PPP2R5C: variants seen among roughly 807,000 people sequenced by gnomAD.
PPP2R5C encodes protein phosphatase 2 regulatory subunit B'gamma.
Under a neutral mutation model 68.9 loss-of-function variants are expected in PPP2R5C, and 7 were observed. The observed-to-expected ratio is 0.10, with a 90% CI of 0.06 to 0.19. PPP2R5C has a LOEUF of 0.19. PPP2R5C is among the 10% of genes least tolerant of loss of function. The pLI is 1.00. For synonymous variants in PPP2R5C, 210 were observed against 222.2 expected (o/e 0.95, Z 0.49); for missense variants, 348 against 641.3 (o/e 0.54, Z 4.94).
In PPP2R5C at chr14:101,825,365, G is replaced by A. The variant is rs1252629419; in HGVS notation, c.94+15329G>A. On this transcript the variant is annotated intron_variant, in intron 1 of 13. Transcript: ENST00000334743. The surrounding 1 kb of genome is among the most constrained non-coding windows in gnomAD (Gnocchi z 4.0). Reference sequence around the variant, plus strand: ...ATCTTTCTGTGTCTTAGAAGTTACTGCTATGATTTTAGCCACTTAACTGGC... The same window carrying A: ...ATCTTTCTGTGTCTTAGAAGTTACTACTATGATTTTAGCCACTTAACTGGC... Among the ~76,000 whole-genome samples, 1 of 152,146 alleles carries A rather than the reference G, an allele frequency of 6.6e-6. No homozygotes were observed. Among genetic ancestry groups the A allele is most frequent in the Non-Finnish European group, 1.5e-5 (1 of 68,020 alleles).
intron 2 of PPP2R5C, among the ~76,000 whole-genome samples, chr14:101,773,383 C>T (rs2037253889): frequency 6.6e-6 from 1 of 152,042 alleles, no homozygotes; most frequent in Non-Finnish European, 1.5e-5. Context: ...GAGGCTGCTT[C>T]AGGTGGTCAA....
At chr14:101,869,135 C>A (rs961133342) in intron 2 of PPP2R5C, among the ~76,000 whole-genome samples, 10 of 152,232 alleles carry the variant, frequency 6.6e-5, no homozygotes, top group African/African-American at 2.4e-4. Context: ...CCTCACTAGT[C>A]TGTTCTCTAT....
rs1049868136 is a variant in PPP2R5C at position 101,924,511 on chromosome 14, C to T, written c.1444-630C>T. 4.9e-5 allele frequency among the ~76,000 whole-genome samples: 7 copies of T among 142,646 alleles called. No individual in the cohort carries two copies. The East Asian group carries it at 8.1e-4, about 17-fold the overall frequency. 93.6% of individuals were successfully genotyped at this position (142,646 alleles called of 152,430 possible). A position where few individuals can be genotyped will look rare whatever the true frequency, so the allele number is the denominator to read the frequency against. On this transcript the variant is annotated intron_variant, in intron 13 of 13. Transcript: ENST00000334743. The stretch of plus-strand genomic sequence containing the variant: ...AGGCTGGACTGCAGTGGTGCAATCT[C>T]GGCTCACTGCAACCTCCACCTCACG...
Position 101,877,073 on chromosome 14 carries a change from C to T in PPP2R5C, c.295-5088C>T, listed in dbSNP as rs574191135. Among the ~76,000 whole-genome samples the T allele has an allele frequency of 2.4e-4, 37 of 151,436 alleles. No individual in the cohort carries two copies. The highest frequency in any genetic ancestry group is 2.2e-3 in the Admixed American group (34 of 15,192). Reference sequence around the variant, plus strand: ...AAGTGATTCTCCTGCCTCAGCCTCCCGAGTAGCTGGGATTACAGGCACCCA... The same window carrying T: ...AAGTGATTCTCCTGCCTCAGCCTCCTGAGTAGCTGGGATTACAGGCACCCA... On this transcript the variant is annotated intron_variant, in intron 2 of 13. Transcript: ENST00000334743. This position sits in a 1 kb window ranked among gnomAD's most constrained non-coding sequence, Gnocchi z 4.2.
chr14:101,909,067 C>G (rs1408071165), intron 10 of PPP2R5C, among the ~76,000 whole-genome samples: 1 of 152,090 alleles, frequency 6.6e-6, no homozygotes, highest in Non-Finnish European at 1.5e-5. Context: ...AGAGGCTCAG[C>G]TGGAACAATT....
At chr14:101,810,245 A>C in intron 1 of PPP2R5C, 1 of 561,492 alleles carries the variant, frequency 1.8e-6, no homozygotes, top group Non-Finnish European at 3.2e-6. Flanking sequence ...GAGGCCTTGC[A>C]TGCATAGTTC....
intron 1 of PPP2R5C, among the ~76,000 whole-genome samples, chr14:101,828,208 G>A (rs958422305): frequency 1.3e-5 from 2 of 152,120 alleles, no homozygotes; most frequent in Non-Finnish European, 2.9e-5. Context: ...CATAGAGACA[G>A]AAAGCAGATT....
Position 101,891,747 on chromosome 14 carries a change from A to G in PPP2R5C, c.690-1253A>G, listed in dbSNP as rs1469539719. On this transcript the variant is annotated intron_variant, in intron 6 of 13. Coordinates refer to ENST00000334743, the Ensembl canonical transcript of PPP2R5C. This position sits in a 1 kb window ranked among gnomAD's most constrained non-coding sequence, Gnocchi z 4.9. ...GCCGCTCCAGGCTCGCCCTTCCCGC[A>G]TTGTCCGCTGTGCCGCGCAGAGTCA... is the stretch of plus-strand genomic sequence containing the variant. Among the ~76,000 whole-genome samples the G allele has an allele frequency of 6.6e-6, 1 of 152,110 alleles. No homozygotes were observed. The highest frequency in any genetic ancestry group is 2.4e-5 in the African/African-American group (1 of 41,414).
intron 3 of PPP2R5C, 197 bp from the exon 6 acceptor site, chr14:101,883,060 G>T: frequency 1.9e-6 from 1 of 535,556 alleles, no homozygotes; most frequent in Non-Finnish European, 3.3e-6. Context: ...GGTGTAGTCT[G>T]TGGGTTTCAC....
chr14:101,915,379 C>T lies in PPP2R5C; in HGVS notation c.1327-2452C>T, dbSNP rs942582989. Among the ~76,000 whole-genome samples, 2 of 152,200 alleles carry T rather than the reference C, an allele frequency of 1.3e-5. No individual in the cohort carries two copies. The highest frequency in any genetic ancestry group is 2.9e-5 in the Non-Finnish European group (2 of 68,046). On this transcript the variant is annotated intron_variant, in intron 12 of 13. Coordinates refer to ENST00000334743, the Ensembl canonical transcript of PPP2R5C. This position sits in a 1 kb window ranked among gnomAD's most constrained non-coding sequence, Gnocchi z 4.2. Reference sequence around the variant, plus strand: ...ACAGGTGTGAGCCACCGCACCTGGCCTTCAGTGAAGGTTTTTATTCCTAGT... The same window carrying T: ...ACAGGTGTGAGCCACCGCACCTGGCTTTCAGTGAAGGTTTTTATTCCTAGT...
intron 3 of PPP2R5C, among the ~76,000 whole-genome samples, chr14:101,804,742 G>A (rs896374188): frequency 7.2e-5 from 11 of 152,120 alleles, no homozygotes; most frequent in South Asian, 4.2e-4. Context: ...GGGGGTTGGC[G>A]GGGGGGATGG....
chr14:101,822,975 T>C (rs192056724), intron 1 of PPP2R5C, among the ~76,000 whole-genome samples: 92 of 152,344 alleles, frequency 6.0e-4, no homozygotes, highest in Admixed American at 1.3e-3. Flanking sequence ...TTCAGTCTTA[T>C]AGCCTTGTAT....
chr14:101,873,473 A>G (rs762083899), intron 2 of PPP2R5C, among the ~76,000 whole-genome samples: 5 of 152,134 alleles, frequency 3.3e-5, no homozygotes, highest in Non-Finnish European at 5.9e-5. Flanking sequence ...ACCAGAGCTA[A>G]TTATTCTCCA....
chr14:101,776,597 A>G (rs535725900), intron 2 of PPP2R5C, among the ~76,000 whole-genome samples: 1 of 152,168 alleles, frequency 6.6e-6, no homozygotes, highest in East Asian at 1.9e-4. Flanking sequence ...CCATAAGCCC[A>G]GAAGACTCAA....
intron 1 of PPP2R5C, among the ~76,000 whole-genome samples, chr14:101,842,405 G>A (rs1187567696): frequency 1.3e-5 from 2 of 152,204 alleles, no homozygotes; most frequent in African/African-American, 2.4e-5. Flanking sequence ...GTTGCTTGTT[G>A]GTTTGCTTTC....
intron 11 of PPP2R5C, among the ~76,000 whole-genome samples, chr14:101,910,072 A>G (rs2046298881): frequency 6.6e-6 from 1 of 152,214 alleles, no homozygotes; most frequent in Non-Finnish European, 1.5e-5. Flanking sequence ...GAGAGCAAGA[A>G]TCTTCATTTC....
At chr14:101,881,380 G>A (rs1037269616) in intron 2 of PPP2R5C, among the ~76,000 whole-genome samples, 2 of 152,152 alleles carry the variant, frequency 1.3e-5, no homozygotes, top group African/African-American at 2.4e-5. Context: ...AACCTGGGCC[G>A]CAGAGGGAGA....
intron 9 of PPP2R5C, among the ~76,000 whole-genome samples, chr14:101,904,746 A>G (rs1197539699): frequency 6.6e-6 from 1 of 152,176 alleles, no homozygotes; most frequent in Non-Finnish European, 1.5e-5. Flanking sequence ...TGGCAGGAGA[A>G]GCGTCAGCCC....
intron 3 of PPP2R5C, among the ~76,000 whole-genome samples, chr14:101,798,131 C>G (rs1213756665): frequency 6.6e-6 from 1 of 151,702 alleles, no homozygotes; most frequent in Non-Finnish European, 1.5e-5. Context: ...ATACATCATC[C>G]GTGCTCATAT....
Sources: gnomAD v4.1 joint callset for allele counts (sites outside exome capture counted in the v4.1 genomes callset) on GRCh38, gnomAD v4.1.1 for gene constraint, Gnocchi (gnomAD v3.1) non-coding constraint, MANE v1.5 for transcripts, NCBI Gene and HGNC (gene_info 2026-07-23, HGNC 2026-07-21) for gene names.